The following FBXO41 variants were observed in gnomAD, a reference collection of about 807,000 sequenced individuals.
FBXO41 encodes the protein F-box protein 41.
In FBXO41, 33 loss-of-function variants were observed where a neutral mutation model predicts 81.6. The observed-to-expected ratio is 0.40, with a 90% confidence interval of 0.31 to 0.54. FBXO41 has a LOEUF of 0.54. Ranked by LOEUF, FBXO41 falls within the 20% of genes least tolerant of loss-of-function variation. The pLI is 0.39. For missense variants in FBXO41, 1,107 were observed against 1,236.0 expected (o/e 0.90, Z 1.56); for synonymous variants, 576 against 552.7 (o/e 1.04, Z -0.59).
Position 73,269,296 on chromosome 2 carries a change from T to C in FBXO41, c.335A>G (p.His112Arg), listed in dbSNP as rs929634537. The change falls in exon 2 of 13, where the codon CAC (histidine) becomes CGC (arginine). Residue 112 changes from histidine to arginine, a missense_variant. Coordinates refer to ENST00000520530, the MANE Select transcript of FBXO41 (RefSeq NM_001371389.2). The surrounding 1 kb of genome is among the most constrained non-coding windows in gnomAD (Gnocchi z 7.0). ...APHLLHHHHH[H>R]APLAHFPGDL... ...GCCGGGGAAGTGGGCGAGGGGAGCG[T>C]GGTGATGGTGGTGGTGCAGCAGGTG... 1.4e-5 allele frequency: 22 copies of C among 1,529,076 alleles called. No individual in the cohort carries two copies. The highest frequency in any genetic ancestry group is 4.3e-5 in the African/African-American group (3 of 69,376). The allele number at this position is 1,529,076 out of a possible 1,614,324, so 94.7% of individuals were successfully genotyped here. A position where few individuals can be genotyped will look rare whatever the true frequency, so the allele number is the denominator to read the frequency against.
chr2:73,262,227 A>C (rs911149610), intron 9 of FBXO41, among the ~76,000 whole-genome samples: 1 of 112,768 alleles, frequency 8.9e-6, no homozygotes, highest in Non-Finnish European at 1.8e-5. Flanking sequence ...TGTCTCAAAA[A>C]CTAAATAAAA....
Position 73,260,601 on chromosome 2 carries a change from C to T in FBXO41, c.2291-54G>A, listed in dbSNP as rs904886434. The stretch of plus-strand genomic sequence containing the variant: ...TGACACACTCCCCAGGTCACCCCTG[C>T]AGCCAGCACCCTGGCTACCACCCTG... On this transcript the variant is annotated intron_variant, in intron 10 of 12. Transcript: ENST00000520530. The surrounding 1 kb of genome is among the most constrained non-coding windows in gnomAD (Gnocchi z 5.0). 141 of 1,550,270 alleles carry T rather than the reference C, an allele frequency of 9.1e-5. No homozygotes were observed. Among genetic ancestry groups the T allele is most frequent in the Non-Finnish European group, 1.1e-4 (128 of 1,146,296 alleles).
chr2:73,271,203 G>A (rs1457580837), intron 1 of FBXO41: 3 of 323,574 alleles, frequency 9.3e-6, no homozygotes, highest in African/African-American at 6.5e-5. Flanking sequence ...CATTTCCACA[G>A]GATGTATGGG....
Position 73,274,604 on chromosome 2 carries a change from T to A in FBXO41, c.-138-4836A>T, listed in dbSNP as rs534866759. Among the ~76,000 whole-genome samples the A allele has an allele frequency of 4.5e-4, 68 of 152,368 alleles. 1 individual carries two copies. Among genetic ancestry groups the A allele is most frequent in the Middle Eastern group, 3.4e-3 (1 of 294 alleles). On this transcript the variant is annotated intron_variant, in intron 1 of 12. Transcript: ENST00000520530. Reference sequence around the variant, plus strand: ...TTCGATACTTGTGATTTCCTTTTTTTAAAATTCCAGAATATTTTTTAGAAT... The same window carrying A: ...TTCGATACTTGTGATTTCCTTTTTTAAAAATTCCAGAATATTTTTTAGAAT...
chr2:73,265,536 G>C lies in FBXO41; in HGVS notation c.1310C>G (p.Pro437Arg). ...CTGGGCCCGTGTGCCCAAGCCCCCA[G>C]GGCCACTGTCCTCAGGGGCCCCCTC... is the stretch of plus-strand genomic sequence containing the variant. ...PEEGAPEDSGPGGLGTRAQAA... is the reference protein window; with the variant it reads ...PEEGAPEDSGRGGLGTRAQAA... Residue 437 changes from proline (P) to arginine (R), a missense_variant, in exon 5 of 13, where the codon CCT (proline) becomes CGT (arginine). Around this residue, in one of 2 missense-constraint regions of FBXO41, gnomAD observed 771 missense variants for 789.2 expected, o/e 0.98. Coordinates refer to ENST00000520530, the MANE Select transcript of FBXO41 (RefSeq NM_001371389.2). 1 of 1,596,528 alleles carries C rather than the reference G, an allele frequency of 6.3e-7. No homozygotes were observed. The highest frequency in any genetic ancestry group is 1.3e-5 in the African/African-American group (1 of 74,756).
chr2:73,265,518 C>G lies in FBXO41; in HGVS notation c.1328G>C (p.Arg443Pro). ...TGAGCCCCCGTTGGCAGCCTGGGCCCGTGTGCCCAAGCCCCCAGGGCCACT... is the reference window on the plus strand; with the variant it reads ...TGAGCCCCCGTTGGCAGCCTGGGCCGGTGTGCCCAAGCCCCCAGGGCCACT... ...EDSGPGGLGT[R>P]AQAANGGSER... The change falls in exon 5 of 13, where the codon CGG becomes CCG. Residue 443 changes from arginine to proline, a missense_variant. Physicochemically the swap from Arg to Pro is moderately radical, Grantham distance 103 (BLOSUM62 -2). Around this residue, in one of 2 missense-constraint regions of FBXO41, gnomAD observed 771 missense variants for 789.2 expected, o/e 0.98. Coordinates refer to ENST00000520530, the MANE Select transcript of FBXO41 (RefSeq NM_001371389.2). The G allele has an allele frequency of 1.3e-6, 2 of 1,595,258 alleles. No homozygotes were observed. The highest frequency in any genetic ancestry group is 1.7e-6 in the Non-Finnish European group (2 of 1,173,078).
intron 1 of FBXO41, among the ~76,000 whole-genome samples, chr2:73,280,950 T>G (rs766132567): frequency 6.6e-6 from 1 of 152,248 alleles, no homozygotes; most frequent in South Asian, 2.1e-4. Flanking sequence ...ATCATGGAAC[T>G]GGATGAACTG....
At chr2:73,264,245 A>G in intron 6 of FBXO41, 33 bp downstream of exon 6, 1 of 1,612,510 alleles carries the variant, frequency 6.2e-7, no homozygotes, top group Non-Finnish European at 8.5e-7. Context: ...GTGGGTTCAC[A>G]GCAGGGCACA....
At position 73,269,578 on chromosome 2, in the gene FBXO41, C is replaced by G; in HGVS notation, c.53G>C (p.Arg18Pro). The G allele has an allele frequency of 7.5e-7, 1 of 1,334,960 alleles. No individual in the cohort carries two copies. The highest frequency in any genetic ancestry group is 9.7e-7 in the Non-Finnish European group (1 of 1,032,816). The allele number at this position is 1,334,960 out of a possible 1,614,324, so 82.7% of individuals were successfully genotyped here. ...YRCPRCGEHK[R>P]FRSLSSLRAH... is the part of the protein sequence containing the mutation. ...GCGCAGCGACGACAGGCTCCGGAAG[C>G]GCTTGTGCTCCCCGCAGCGGGGGCA... is the stretch of plus-strand genomic sequence containing the variant. The change falls in exon 2 of 13, where the codon CGC becomes CCC. Residue 18 changes from arginine (R) to proline (P), a missense_variant. Transcript: ENST00000520530. The surrounding 1 kb of genome is among the most constrained non-coding windows in gnomAD (Gnocchi z 7.0).
In FBXO41 at chr2:73,263,838, T is replaced by C. The variant is rs752796802; in HGVS notation, c.1923-8A>G. On this transcript the variant is annotated splice_polypyrimidine_tract_variant and splice_region_variant and intron_variant, in intron 7 of 12. Coordinates refer to ENST00000520530, the MANE Select transcript of FBXO41 (RefSeq NM_001371389.2). Reference sequence around the variant, plus strand: ...CCAGCTTCCAGGCAGCCCCTGGGGATGACCAAGAGGTCAGAGAGCTGGCAA... The same window carrying C: ...CCAGCTTCCAGGCAGCCCCTGGGGACGACCAAGAGGTCAGAGAGCTGGCAA... The C allele has an allele frequency of 3.1e-6, 5 of 1,613,926 alleles. No individual in the cohort carries two copies. The highest frequency in any genetic ancestry group is 4.2e-6 in the Non-Finnish European group (5 of 1,179,892).
intron 1 of FBXO41, chr2:73,270,795 C>A (rs1369835137): frequency 3.7e-6 from 2 of 534,132 alleles, no homozygotes; most frequent in Non-Finnish European, 7.7e-6. Flanking sequence ...CTTCTCCTAC[C>A]TTGTGGGGTC....
chr2:73,283,314 C>A (rs756247955), intron 1 of FBXO41, among the ~76,000 whole-genome samples: 1 of 152,208 alleles, frequency 6.6e-6, no homozygotes, highest in Non-Finnish European at 1.5e-5. Context: ...TCACTCCAGC[C>A]TGGCGAAGAC....
chr2:73,256,044 T>C lies in FBXO41; in HGVS notation c.*2938A>G, dbSNP rs955273493. 4 of 152,148 alleles carry C rather than the reference T, an allele frequency of 2.6e-5. No individual in the cohort carries two copies. Among genetic ancestry groups the C allele is most frequent in the Non-Finnish European group, 5.9e-5 (4 of 68,068 alleles). 9.4% of individuals were successfully genotyped at this position (152,148 alleles called of 1,614,324 possible). On this transcript the variant is annotated 3_prime_UTR_variant, in exon 13 of 13. Transcript: ENST00000520530. ...GCAGCCTGAATAAAGCATGAAGTAC[T>C]TAAGCCAAGTACACCAACCTCCCAG...
At position 73,269,297 on chromosome 2, in the gene FBXO41, G is replaced by T; in HGVS notation, c.334C>A (p.His112Asn). Residue 112 changes from histidine to asparagine, a missense_variant, in exon 2 of 13, where the codon CAC (histidine) becomes AAC (asparagine). His to Asn is a moderately conservative substitution (Grantham distance 68, BLOSUM62 1). This residue lies in a region of FBXO41 where 771 missense variants were observed against 789.2 expected (regional missense o/e 0.98). Transcript: ENST00000520530. The surrounding 1 kb of genome is among the most constrained non-coding windows in gnomAD (Gnocchi z 7.0). Reference sequence around the variant, plus strand: ...CCGGGGAAGTGGGCGAGGGGAGCGTGGTGATGGTGGTGGTGCAGCAGGTGC... The same window carrying T: ...CCGGGGAAGTGGGCGAGGGGAGCGTTGTGATGGTGGTGGTGCAGCAGGTGC... ...APHLLHHHHH[H>N]APLAHFPGDL... 6.5e-7 allele frequency: 1 copy of T among 1,530,538 alleles called. No individual in the cohort carries two copies. Among genetic ancestry groups the T allele is most frequent in the Non-Finnish European group, 8.8e-7 (1 of 1,138,920 alleles). 94.8% of individuals were successfully genotyped at this position (1,530,538 alleles called of 1,614,324 possible).
In FBXO41 at chr2:73,266,337, G is replaced by A. The variant is rs541988969; in HGVS notation, c.1131+120C>T. The A allele has an allele frequency of 8.3e-7, 1 of 1,200,686 alleles. No homozygotes were observed. Among genetic ancestry groups the A allele is most frequent in the African/African-American group, 1.5e-5 (1 of 64,572 alleles). 74.4% of individuals were successfully genotyped at this position (1,200,686 alleles called of 1,614,324 possible). On this transcript the variant is annotated intron_variant, in intron 3 of 12. Coordinates refer to ENST00000520530, the MANE Select transcript of FBXO41 (RefSeq NM_001371389.2). The surrounding 1 kb of genome is among the most constrained non-coding windows in gnomAD (Gnocchi z 5.3). ...CCCCTGTTCCTGGCATCTGCTGGTG[G>A]GGTAAAAGCCAAAGAAGGGGCGAAT...
intron 8 of FBXO41, 33 bp from the exon 9 acceptor site, chr2:73,263,341 AG>A: frequency 6.9e-7 from 1 of 1,455,880 alleles, no homozygotes; most frequent in Non-Finnish European, 9.2e-7. Context: ...GTCAGGCAGC[AG>A]GGTGGCTTAT....
chr2:73,271,158 A>AT, intron 1 of FBXO41: 1 of 345,352 alleles, frequency 2.9e-6, no homozygotes, highest in Non-Finnish European at 5.7e-6. Flanking sequence ...CTACTTCTCC[A>AT]TCCTGACCTG....
chr2:73,258,287 T>G lies in FBXO41; in HGVS notation c.*695A>C, dbSNP rs941698815. ...CCTGTCTTACAGCAATAAATAAGTTTTCTCCCCCTGGCAATCCCCCACCTT... is the reference window on the plus strand; with the variant it reads ...CCTGTCTTACAGCAATAAATAAGTTGTCTCCCCCTGGCAATCCCCCACCTT... On this transcript the variant is annotated 3_prime_UTR_variant, in exon 13 of 13. Coordinates refer to ENST00000520530, the MANE Select transcript of FBXO41 (RefSeq NM_001371389.2). The G allele has an allele frequency of 3.9e-5, 6 of 152,240 alleles. No individual in the cohort carries two copies. The highest frequency in any genetic ancestry group is 1.4e-4 in the African/African-American group (6 of 41,436). The allele number at this position is 152,240 out of a possible 1,614,324, so 9.4% of individuals were successfully genotyped here. A position where few individuals can be genotyped will look rare whatever the true frequency, so the allele number is the denominator to read the frequency against.
intron 2 of FBXO41, among the ~76,000 whole-genome samples, chr2:73,268,423 G>C (rs1023667580): frequency 5.9e-5 from 9 of 152,132 alleles, no homozygotes; most frequent in Non-Finnish European, 1.0e-4. Context: ...GGAGAGTTGA[G>C]CTATATCTTT....
Sources: gnomAD v4.1 joint callset for allele counts (sites outside exome capture counted in the v4.1 genomes callset) on GRCh38, gnomAD v4.1.1 for gene constraint, gnomAD v4.1.1 regional missense constraint, Gnocchi (gnomAD v3.1) non-coding constraint, MANE v1.5 for transcripts, NCBI Gene and HGNC (gene_info 2026-07-23, HGNC 2026-07-21) for gene names.